The following WNT3 variants were observed in gnomAD, a reference collection of about 807,000 sequenced individuals.
WNT3 encodes the protein proto-oncogene Wnt-3.
A neutral mutation model predicts 34.2 loss-of-function variants in WNT3; 7 were observed. The ratio of observed to expected loss-of-function variants is 0.20; its 90% CI spans 0.12 to 0.38. WNT3 has a LOEUF of 0.38. Among genes scored for constraint, WNT3 ranks in the 10% least tolerant of loss-of-function variants. WNT3 has a pLI of 1.00. For synonymous variants in WNT3, 212 were observed against 211.5 expected (o/e 1.00, Z -0.02); for missense variants, 267 against 499.8 (o/e 0.53, Z 4.44).
chr17:46,814,679 C>A (rs762698722), intron 1 of WNT3, among the ~76,000 whole-genome samples: 2 of 152,224 alleles, frequency 1.3e-5, no homozygotes, highest in Non-Finnish European at 2.9e-5. Context: ...GTAATTCCTG[C>A]CTGTTACAAG....
At chr17:46,812,586 G>A (rs2084291418) in intron 1 of WNT3, among the ~76,000 whole-genome samples, 1 of 152,056 alleles carries the variant, frequency 6.6e-6, no homozygotes, top group Non-Finnish European at 1.5e-5. Context: ...AATGATTAGG[G>A]GACACTCCAG....
In WNT3 at chr17:46,768,386, G is replaced by C; in HGVS notation, c.1002C>G (p.Phe334Leu). 1 of 1,613,932 alleles carries C rather than the reference G, an allele frequency of 6.2e-7. No individual in the cohort carries two copies. Residue 334 changes from phenylalanine to leucine, a missense_variant, in exon 4 of 5, where the codon TTC (phenylalanine) becomes TTG (leucine). By Grantham distance (22) the Phe-to-Leu change is conservative (BLOSUM62 0). This residue lies in a region of WNT3 where 60 missense variants were observed against 82.7 expected (regional missense o/e 0.73). Transcript: ENST00000225512. This position sits in a 1 kb window ranked among gnomAD's most constrained non-coding sequence, Gnocchi z 5.0. ...GGCAGCTGACGTAGCAGCACCAGTG[G>C]AAGATGCAGTGGCATTTTTCCTTCC... is the stretch of plus-strand genomic sequence containing the variant. ...EKRKEKCHCI[F>L]HWCCYVSCQE...
Position 46,814,664 on chromosome 17 carries a change from G to A in WNT3, c.80+3854C>T, listed in dbSNP as rs562092810. ...CAGCCCCAGCCAGCCCAGCCCCAGC[G>A]AGCTGTAATTCCTGCCTGTTACAAG... is the stretch of plus-strand genomic sequence containing the variant. On this transcript the variant is annotated intron_variant, in intron 1 of 4. Transcript: ENST00000225512. Among the ~76,000 whole-genome samples, 30 of 152,334 alleles carry A rather than the reference G, an allele frequency of 2.0e-4. No homozygotes were observed. In the East Asian group the frequency reaches 4.0e-3, roughly 21 times the overall value.
intron 4 of WNT3, among the ~76,000 whole-genome samples, chr17:46,767,645 C>T (rs907843366): frequency 3.3e-5 from 5 of 152,204 alleles, no homozygotes; most frequent in Non-Finnish European, 5.9e-5. Context: ...CAGCTTCCAG[C>T]CCCCCATCTC....
At chr17:46,789,667 G>C (rs530206326) in intron 1 of WNT3, among the ~76,000 whole-genome samples, 95 of 152,358 alleles carry the variant, frequency 6.2e-4, no homozygotes, top group Non-Finnish European at 1.2e-3. Flanking sequence ...ATTCAGAGCA[G>C]GGTTTGAACC....
chr17:46,791,012 G>A (rs1310334571), intron 1 of WNT3, among the ~76,000 whole-genome samples: 1 of 152,032 alleles, frequency 6.6e-6, no homozygotes, highest in Admixed American at 6.6e-5. Context: ...CTTCTTCCTG[G>A]TTTCCCCTTA....
At chr17:46,777,555 G>T (rs56857849) in intron 1 of WNT3, among the ~76,000 whole-genome samples, 5,580 of 152,362 alleles carry the variant, frequency 0.037, 351 homozygotes, top group African/African-American at 0.13. Context: ...CTGTGCAGAC[G>T]CAGTCTCTCC....
chr17:46,765,663 G>A (rs539603040), intron 4 of WNT3, among the ~76,000 whole-genome samples: 35 of 152,340 alleles, frequency 2.3e-4, no homozygotes, highest in African/African-American at 8.4e-4. Flanking sequence ...GCGGAGTCTC[G>A]GCCGAGCCTG....
chr17:46,801,248 C>T (rs1430585245), intron 1 of WNT3, among the ~76,000 whole-genome samples: 1 of 152,160 alleles, frequency 6.6e-6, no homozygotes, highest in South Asian at 2.1e-4. Context: ...GGGTGCAGGG[C>T]GGCAGGGGCC....
chr17:46,811,725 C>T (rs868868924), intron 1 of WNT3, among the ~76,000 whole-genome samples: 2 of 152,126 alleles, frequency 1.3e-5, no homozygotes, highest in African/African-American at 4.8e-5. Flanking sequence ...GAGGCCGAGG[C>T]GGGTGGATTA....
chr17:46,766,286 T>G (rs2059312112), intron 4 of WNT3, among the ~76,000 whole-genome samples: 1 of 151,958 alleles, frequency 6.6e-6, no homozygotes, highest in East Asian at 1.9e-4. Context: ...CGGGCACCTA[T>G]AATCCCAGCT....
chr17:46,816,852 C>G (rs1279907708), intron 1 of WNT3, among the ~76,000 whole-genome samples: 1 of 152,216 alleles, frequency 6.6e-6, no homozygotes, highest in Non-Finnish European at 1.5e-5. Flanking sequence ...ACGGCATGGC[C>G]TTGGCCCGGG....
chr17:46,773,004 C>T (rs1232965416), intron 2 of WNT3, among the ~76,000 whole-genome samples: 1 of 152,146 alleles, frequency 6.6e-6, no homozygotes, highest in Non-Finnish European at 1.5e-5. Context: ...GCCCCCAAGT[C>T]CCCTTCTTGG....
chr17:46,774,016 G>A, intron 1 of WNT3, 107 bp from the exon 2 acceptor site: 1 of 1,471,322 alleles, frequency 6.8e-7, no homozygotes. Context: ...GAGGCAGAGG[G>A]CCTGTGCCCT....
At chr17:46,798,592 C>T (rs2084083569) in intron 1 of WNT3, among the ~76,000 whole-genome samples, 3 of 152,194 alleles carry the variant, frequency 2.0e-5, no homozygotes, top group African/African-American at 7.2e-5. Context: ...GTTGGATGCA[C>T]ACAGTGACTG....
Position 46,769,852 on chromosome 17 carries a change from C to G in WNT3, c.519G>C (p.Ala173=). 2 of 1,613,492 alleles carry G rather than the reference C, an allele frequency of 1.2e-6. No individual in the cohort carries two copies. The highest frequency in any genetic ancestry group is 1.7e-6 in the Non-Finnish European group (2 of 1,179,906). The change falls in exon 3 of 5, where the codon GCG becomes GCC. Residue 173 remains alanine (A), a synonymous_variant. Transcript: ENST00000225512. ...CGTCCGGCCTGTTCTCGCGCGCATC[C>G]GCGAACTCCCTGGACACTAACACGC... The part of the protein sequence containing the change: ...DFGVLVSREF[A]DARENRPDAR...
intron 1 of WNT3, among the ~76,000 whole-genome samples, chr17:46,787,983 C>G (rs2059526202): frequency 6.6e-6 from 1 of 151,338 alleles, no homozygotes; most frequent in Non-Finnish European, 1.5e-5. Flanking sequence ...AAAGATGTAG[C>G]CTCCACCCTC....
At chr17:46,771,568 GGGGCCCGCT>G in intron 2 of WNT3, among the ~76,000 whole-genome samples, 1 of 148,646 alleles carries the variant, frequency 6.7e-6, no homozygotes, top group Non-Finnish European at 1.5e-5. Flanking sequence ...CCCGTCCGGC[GGGGCCCGCT>G]GGGCCGCTCA....
intron 1 of WNT3, among the ~76,000 whole-genome samples, chr17:46,779,405 G>A (rs2059441909): frequency 6.6e-6 from 1 of 152,108 alleles, no homozygotes. Flanking sequence ...TGGGCCAGGG[G>A]CTATTTATAC....
Sources: gnomAD v4.1 joint callset for allele counts (sites outside exome capture counted in the v4.1 genomes callset) on GRCh38, gnomAD v4.1.1 for gene constraint, gnomAD v4.1.1 regional missense constraint, Gnocchi (gnomAD v3.1) non-coding constraint, MANE v1.5 for transcripts, NCBI Gene and HGNC (gene_info 2026-07-23, HGNC 2026-07-21) for gene names.